ATP8B4: variants seen among roughly 807,000 people sequenced by gnomAD.
ATP8B4 encodes the protein probable phospholipid-transporting ATPase IM.
Under a neutral mutation model 145.6 loss-of-function variants are expected in ATP8B4, and 133 were observed. The observed-to-expected ratio is 0.91, with a 90% CI of 0.79 to 1.05. The LOEUF (loss-of-function observed/expected upper bound fraction) is 1.05, where lower values mean the gene tolerates loss of function less well. Among genes scored for constraint, ATP8B4 ranks in the 50% least tolerant of loss-of-function variants. ATP8B4 has a pLI of 0.00. For synonymous variants in ATP8B4, 507 were observed against 492.9 expected, an observed-to-expected ratio of 1.03 and a Z score of -0.38; for missense variants, 1,458 against 1,425.2, an observed-to-expected ratio of 1.02 and a Z score of -0.37.
At chr15:50,158,948 C>T (rs1045000460) in intron 1 of ATP8B4, among the ~76,000 whole-genome samples, 2 of 152,186 alleles carry the variant, frequency 1.3e-5, no homozygotes, top group Admixed American at 1.3e-4. Context: ...ATCTCAAGTA[C>T]CCAAGGACAC....
At chr15:50,048,577 G>A (rs1422428357) in intron 3 of ATP8B4, among the ~76,000 whole-genome samples, 1 of 151,860 alleles carries the variant, frequency 6.6e-6, no homozygotes, top group Non-Finnish European at 1.5e-5. Context: ...GCATGGTGGT[G>A]CACGCCTGTA....
At chr15:49,947,437 CAAAAAAAAAA>C (rs35281379) in intron 14 of ATP8B4, among the ~76,000 whole-genome samples, 2 of 89,058 alleles carry the variant, frequency 2.2e-5, no homozygotes, top group African/African-American at 8.8e-5. Context: ...GACTCTGTCT[CAAAAAAAAAA>C]AAAAAAAAGA....
chr15:49,889,106 A>AT lies in ATP8B4; in HGVS notation c.2697+8185dup, dbSNP rs200491965. 4.5e-4 allele frequency among the ~76,000 whole-genome samples: 68 copies of AT among 151,864 alleles called. 1 individual carries two copies. In the South Asian group the frequency reaches 8.6e-3, roughly 19 times the overall value. On this transcript the variant is annotated intron_variant, in intron 23 of 27. Coordinates refer to ENST00000284509, the MANE Select transcript of ATP8B4 (RefSeq NM_024837.4). ...TGATTAGGGGTTGAGGGAAGACAGT[A>AT]TTTTTAAAAAAAAAAAGGATATGGC...
At chr15:50,137,031 C>G (rs17499726) in intron 1 of ATP8B4, among the ~76,000 whole-genome samples, 14,335 of 152,184 alleles carry the variant, frequency 0.094, 863 homozygotes, top group Middle Eastern at 0.16. Flanking sequence ...TATTTGGGTT[C>G]TGAATTCTGT....
In ATP8B4 at chr15:50,114,103, C is replaced by CTTTTTTTTTTTTTTTTTTTTTTTTTT. The variant is rs755159123; in HGVS notation, c.-43+5019_-43+5020insAAAAAAAAAAAAAAAAAAAAAAAAAA. Among the ~76,000 whole-genome samples the CTTTTTTTTTTTTTTTTTTTTTTTTTT allele has an allele frequency of 3.4e-4, 19 of 55,646 alleles. 1 individual carries two copies. The highest frequency in any genetic ancestry group is 4.7e-4 in the Non-Finnish European group (15 of 31,918). 36.5% of individuals were successfully genotyped at this position (55,646 alleles called of 152,430 possible). On this transcript the variant is annotated intron_variant, in intron 1 of 27. Transcript: ENST00000284509. ...ATTTTCCTTCTTGGTCTCCTAGTTT[C>CTTTTTTTTTTTTTTTTTTTTTTTTTT]TTTTTTTTTTTTTTTTTTTTTTTTT...
intron 2 of ATP8B4, among the ~76,000 whole-genome samples, chr15:50,095,096 C>A (rs1371986145): frequency 6.6e-6 from 1 of 152,050 alleles, no homozygotes; most frequent in Non-Finnish European, 1.5e-5. Flanking sequence ...CAGTAGATGT[C>A]CAGGTTCTAG....
At chr15:49,923,328 T>C (rs748349822) in intron 17 of ATP8B4, 51 bp downstream of exon 17, 6 of 1,284,718 alleles carry the variant, frequency 4.7e-6, no homozygotes, top group African/African-American at 1.5e-5. Flanking sequence ...GACCTAACCA[T>C]AGGAGATGGC....
intron 2 of ATP8B4, among the ~76,000 whole-genome samples, chr15:50,081,317 A>G (rs1006601869): frequency 6.6e-6 from 1 of 152,200 alleles, no homozygotes; most frequent in African/African-American, 2.4e-5. Context: ...TTGTAAACAG[A>G]AAAATACCAG....
intron 26 of ATP8B4, among the ~76,000 whole-genome samples, chr15:49,865,766 G>T (rs531099565): frequency 6.6e-6 from 1 of 152,102 alleles, no homozygotes; most frequent in African/African-American, 2.4e-5. Context: ...ATATATTCTC[G>T]CATGGAAAGA....
intron 1 of ATP8B4, among the ~76,000 whole-genome samples, chr15:50,148,584 G>C (rs1006890682): frequency 2.0e-5 from 3 of 152,110 alleles, no homozygotes; most frequent in Non-Finnish European, 2.9e-5. Context: ...TTTCTTGGAG[G>C]CTACAGCCTT....
chr15:50,155,665 C>A (rs1049546446), intron 1 of ATP8B4, among the ~76,000 whole-genome samples: 1 of 151,924 alleles, frequency 6.6e-6, no homozygotes, highest in Non-Finnish European at 1.5e-5. Flanking sequence ...CACGTTTTAC[C>A]ATGTAGACAC....
intron 3 of ATP8B4, among the ~76,000 whole-genome samples, chr15:50,054,757 C>G (rs1347113832): frequency 2.5e-5 from 3 of 120,124 alleles, no homozygotes; most frequent in African/African-American, 3.2e-5. Context: ...GCACTCCAGC[C>G]TGGGCGACAG....
chr15:49,901,392 T>C (rs575611883), intron 20 of ATP8B4, among the ~76,000 whole-genome samples, 153 bp from the exon 21 acceptor site: 53 of 152,318 alleles, frequency 3.5e-4, no homozygotes, highest in African/African-American at 1.2e-3. Context: ...GCTGGATAAT[T>C]CTTTGTGATG....
At chr15:50,025,619 C>A (rs1302797933) in intron 6 of ATP8B4, among the ~76,000 whole-genome samples, 2 of 152,198 alleles carry the variant, frequency 1.3e-5, no homozygotes, top group African/African-American at 4.8e-5. Flanking sequence ...TGCTTCACCT[C>A]ACCTCTACCA....
chr15:49,948,281 C>CAAAAAAAAAAAAAA (rs35575312), intron 14 of ATP8B4, among the ~76,000 whole-genome samples: 24 of 112,110 alleles, frequency 2.1e-4, no homozygotes, highest in African/African-American at 7.0e-4. Flanking sequence ...ACTAAAAATA[C>CAAAAAAAAAAAAAA]AAAAAAAAAA....
At chr15:50,011,112 G>A (rs1402548913) in intron 6 of ATP8B4, among the ~76,000 whole-genome samples, 195 bp from the exon 7 acceptor site, 2 of 152,144 alleles carry the variant, frequency 1.3e-5, no homozygotes, top group African/African-American at 4.8e-5. Flanking sequence ...AAGATACCCA[G>A]TGAGTTAGGG....
intron 14 of ATP8B4, among the ~76,000 whole-genome samples, chr15:49,953,998 C>A (rs1189778965): frequency 2.6e-5 from 4 of 152,204 alleles, no homozygotes; most frequent in East Asian, 1.9e-4. Flanking sequence ...GTGGGTCATG[C>A]CAGCCTTCTA....
intron 14 of ATP8B4, among the ~76,000 whole-genome samples, chr15:49,957,747 A>G (rs2043703921): frequency 6.6e-6 from 1 of 152,010 alleles, no homozygotes; most frequent in Non-Finnish European, 1.5e-5. Flanking sequence ...TATGACCATC[A>G]ATGTAACCAA....
chr15:50,006,280 T>G (rs1159537382), intron 7 of ATP8B4, among the ~76,000 whole-genome samples: 1 of 126,316 alleles, frequency 7.9e-6, no homozygotes, highest in African/African-American at 4.1e-5. Flanking sequence ...GCTGTTCCTC[T>G]AGTCAAAAAA....
Sources: gnomAD v4.1 joint callset for allele counts (sites outside exome capture counted in the v4.1 genomes callset) on GRCh38, gnomAD v4.1.1 for gene constraint, MANE v1.5 for transcripts, NCBI Gene and HGNC (gene_info 2026-07-23, HGNC 2026-07-21) for gene names.